MGAT5: variants seen among roughly 807,000 people sequenced by gnomAD.
MGAT5 encodes alpha-1,6-mannosylglycoprotein 6-beta-N-acetylglucosaminyltransferase A.
A neutral mutation model predicts 94.3 loss-of-function variants in MGAT5; 30 were observed. The ratio of observed to expected loss-of-function variants is 0.32; its 90% CI spans 0.24 to 0.43. MGAT5 has a LOEUF of 0.43. Ranked by LOEUF, MGAT5 falls within the 20% of genes least tolerant of loss-of-function variation. The probability of loss-of-function intolerance (pLI) is 1.00; values close to 1 mark genes in which losing one functional copy is unlikely to be tolerated. For missense variants in MGAT5, 691 were observed against 905.5 expected (o/e 0.76, Z 3.04); for synonymous variants, 310 against 322.9 (o/e 0.96, Z 0.43).
At chr2:134,237,606 T>C (rs535919748) in intron 1 of MGAT5, among the ~76,000 whole-genome samples, 1 of 148,850 alleles carries the variant, frequency 6.7e-6, no homozygotes, top group Non-Finnish European at 1.5e-5. Context: ...ACTCAACTTA[T>C]ATAAATGATT....
intron 12 of MGAT5, among the ~76,000 whole-genome samples, chr2:134,421,537 T>C (rs966494372): frequency 7.9e-5 from 12 of 151,654 alleles, no homozygotes; most frequent in African/African-American, 1.2e-4. Context: ...GTGAGCTGGA[T>C]CATACTACTG....
intron 1 of MGAT5, among the ~76,000 whole-genome samples, chr2:134,193,720 T>TGC (rs1476898533): frequency 2.0e-5 from 3 of 147,060 alleles, no homozygotes; most frequent in Admixed American, 6.9e-5. Flanking sequence ...TGTGTGTGTG[T>TGC]GTGTGTGTTT....
intron 9 of MGAT5, among the ~76,000 whole-genome samples, chr2:134,354,288 G>C (rs1573898094): frequency 1.3e-5 from 2 of 152,178 alleles, no homozygotes; most frequent in Non-Finnish European, 2.9e-5. Context: ...TTTGGAGACT[G>C]CAGAAATAGA....
chr2:134,260,349 G>C (rs1465223719), intron 1 of MGAT5, among the ~76,000 whole-genome samples: 7 of 152,222 alleles, frequency 4.6e-5, no homozygotes, highest in Non-Finnish European at 7.3e-5. Context: ...GTTGCTGGTT[G>C]GGGGCAGTGG....
intron 1 of MGAT5, among the ~76,000 whole-genome samples, chr2:134,167,153 A>G (rs779097667): frequency 6.6e-6 from 1 of 152,240 alleles, no homozygotes; most frequent in Non-Finnish European, 1.5e-5. Context: ...TCCTGTAATT[A>G]CATCAGAAAT....
At chr2:134,308,547 T>C (rs1166961138) in intron 2 of MGAT5, among the ~76,000 whole-genome samples, 1 of 152,172 alleles carries the variant, frequency 6.6e-6, no homozygotes, top group African/African-American at 2.4e-5. Flanking sequence ...TAAGCATATT[T>C]AAGGCTCCCT....
upstream of MGAT5, among the ~76,000 whole-genome samples, chr2:134,253,527 A>G (rs1682744026): frequency 6.6e-6 from 1 of 152,220 alleles, no homozygotes; most frequent in Admixed American, 6.5e-5. Context: ...GGTGGGAGTG[A>G]AAGTGAGAAC....
At chr2:134,171,050 A>T (rs572292965) in intron 1 of MGAT5, among the ~76,000 whole-genome samples, 1 of 152,070 alleles carries the variant, frequency 6.6e-6, no homozygotes, top group Admixed American at 6.5e-5. Context: ...TAGTAGAGAT[A>T]GGGTTTTGCC....
At chr2:134,195,127 C>T (rs1272170595) in intron 1 of MGAT5, among the ~76,000 whole-genome samples, 1 of 152,094 alleles carries the variant, frequency 6.6e-6, no homozygotes, top group East Asian at 1.9e-4. Context: ...TGTTAACCTC[C>T]AGGACTGAAA....
At chr2:134,319,969 G>T in intron 4 of MGAT5, 1 of 202,440 alleles carries the variant, frequency 4.9e-6, no homozygotes, top group South Asian at 7.3e-5. Flanking sequence ...AACGTGGGTA[G>T]TGATGTTTTA....
chr2:134,130,247 G>A lies in MGAT5; in HGVS notation c.-143+9956G>A, dbSNP rs1333765250. Among the ~76,000 whole-genome samples the A allele has an allele frequency of 5.0e-5, 4 of 79,874 alleles. No homozygotes were observed. The South Asian group carries it at 1.4e-3, about 28-fold the overall frequency. 52.4% of individuals were successfully genotyped at this position (79,874 alleles called of 152,430 possible). On this transcript the variant is annotated intron_variant, in intron 1 of 16. Coordinates refer to the MGAT5 transcript ENST00000409645. ...ACACCGCCCCACACCGCCCCACACC[G>A]CCCCACACCGCCCCACACCGCCCCA...
At chr2:134,285,210 GA>G (rs959423919) in intron 2 of MGAT5, among the ~76,000 whole-genome samples, 9 of 151,032 alleles carry the variant, frequency 6.0e-5, no homozygotes, top group African/African-American at 2.2e-4. Flanking sequence ...AAAGAATAAG[GA>G]AAAAAAAGTC....
intron 10 of MGAT5, among the ~76,000 whole-genome samples, chr2:134,379,953 A>C (rs1217874703): frequency 1.3e-5 from 2 of 152,176 alleles, no homozygotes; most frequent in African/African-American, 2.4e-5. Flanking sequence ...GCATATTTTA[A>C]CTTGTGTCAA....
intron 15 of MGAT5, 82 bp downstream of exon 15, chr2:134,441,997 T>A: frequency 6.7e-7 from 1 of 1,487,454 alleles, no homozygotes. Flanking sequence ...GAGGTACAGG[T>A]TTCCTCTTCC....
chr2:134,124,618 G>A (rs1358824128), intron 1 of MGAT5, among the ~76,000 whole-genome samples: 1 of 152,198 alleles, frequency 6.6e-6, no homozygotes, highest in African/African-American at 2.4e-5. Context: ...ATGCCTGCTG[G>A]ACCTTGACCC....
chr2:134,298,256 T>C (rs1357793962), intron 2 of MGAT5, among the ~76,000 whole-genome samples: 1 of 152,086 alleles, frequency 6.6e-6, no homozygotes, highest in Non-Finnish European at 1.5e-5. Flanking sequence ...CTACCATACC[T>C]GGCTCATTTT....
At chr2:134,145,919 GGAAAACAAA>G (rs1386139113) in intron 1 of MGAT5, among the ~76,000 whole-genome samples, 1 of 152,132 alleles carries the variant, frequency 6.6e-6, no homozygotes, top group Non-Finnish European at 1.5e-5. Context: ...CCACCCTGCT[GGAAAACAAA>G]GATGAGAACA....
intron 1 of MGAT5, among the ~76,000 whole-genome samples, chr2:134,205,574 G>C (rs186720109): frequency 6.6e-6 from 1 of 152,114 alleles, no homozygotes; most frequent in Non-Finnish European, 1.5e-5. Flanking sequence ...GCTCTCTTTC[G>C]GGCCTGCTAA....
intron 2 of MGAT5, among the ~76,000 whole-genome samples, chr2:134,312,708 T>G (rs1573769963): frequency 1.3e-5 from 2 of 152,120 alleles, no homozygotes; most frequent in South Asian, 4.1e-4. Context: ...AAGGCAGGGC[T>G]GAGTCTTACA....
Sources: gnomAD v4.1 joint callset for allele counts (sites outside exome capture counted in the v4.1 genomes callset) on GRCh38, gnomAD v4.1.1 for gene constraint, MANE v1.5 for transcripts, NCBI Gene and HGNC (gene_info 2026-07-23, HGNC 2026-07-21) for gene names.